The following BORCS5 variants were observed in gnomAD, a reference collection of about 807,000 sequenced individuals.
The protein encoded by BORCS5 is BLOC-1 related complex subunit 5.
In BORCS5, 17 loss-of-function variants were observed where a neutral mutation model predicts 22.1. That is an observed-to-expected ratio of 0.77 (90% CI 0.53 to 1.15). The LOEUF (loss-of-function observed/expected upper bound fraction) is 1.15. Among genes scored for constraint, BORCS5 ranks in the 50% most tolerant of loss-of-function variants. BORCS5 has a pLI of 0.00. For synonymous variants in BORCS5, 117 were observed against 99.8 expected, an observed-to-expected ratio of 1.17 and a Z score of -1.03; for missense variants, 247 against 253.2, an observed-to-expected ratio of 0.98 and a Z score of 0.17.
intron 2 of BORCS5, among the ~76,000 whole-genome samples, chr12:12,374,318 T>C (rs190805078): frequency 2.3e-4 from 35 of 151,740 alleles, no homozygotes; most frequent in African/African-American, 7.0e-4. Flanking sequence ...AAAAGTCTTC[T>C]ATATATATTT....
At chr12:12,406,457 T>C (rs1038271571) in intron 2 of BORCS5, among the ~76,000 whole-genome samples, 5 of 152,188 alleles carry the variant, frequency 3.3e-5, no homozygotes, top group Admixed American at 6.5e-5. Context: ...CCATTACCCA[T>C]TGGAGCTAAG....
chr12:12,434,212 G>T (rs112487667), intron 2 of BORCS5, among the ~76,000 whole-genome samples: 1,860 of 151,224 alleles, frequency 0.012, 28 homozygotes, highest in South Asian at 0.027. Context: ...GGGTCCAGGA[G>T]GTCGAGGTTG....
At chr12:12,424,788 C>T (rs1215023513) in intron 2 of BORCS5, among the ~76,000 whole-genome samples, 1 of 152,136 alleles carries the variant, frequency 6.6e-6, no homozygotes, top group Non-Finnish European at 1.5e-5. Flanking sequence ...CAGATCTTTT[C>T]TGAGCCTGTG....
At chr12:12,361,446 C>A (rs1863285002) in intron 2 of BORCS5, 97 bp downstream of exon 2, 2 of 1,368,690 alleles carry the variant, frequency 1.5e-6, no homozygotes, top group Admixed American at 1.8e-5. Flanking sequence ...GCTCTCTCAT[C>A]TCCTTTAGGT....
intron 3 of BORCS5, among the ~76,000 whole-genome samples, chr12:12,465,061 T>C (rs1352876426): frequency 6.6e-6 from 1 of 152,120 alleles, no homozygotes; most frequent in Admixed American, 6.5e-5. Flanking sequence ...AGCTTCGACC[T>C]TCTGGACTCA....
chr12:12,360,581 T>C (rs948338092), intron 1 of BORCS5, among the ~76,000 whole-genome samples: 1 of 148,192 alleles, frequency 6.7e-6, no homozygotes, highest in African/African-American at 2.5e-5. Flanking sequence ...TTTTTTTTTT[T>C]TTTTTTTTTT....
intron 2 of BORCS5, among the ~76,000 whole-genome samples, chr12:12,410,271 T>A (rs1000485240): frequency 1.3e-5 from 2 of 152,228 alleles, no homozygotes; most frequent in African/African-American, 4.8e-5. Context: ...TTGCCATTGC[T>A]TTTGGTGTTT....
chr12:12,387,722 A>C (rs56261569), intron 2 of BORCS5, among the ~76,000 whole-genome samples: 21,373 of 151,146 alleles, frequency 0.14, 2,291 homozygotes, highest in African/African-American at 0.23. Flanking sequence ...TAAAACTCTA[A>C]AGTGTTTTTC....
chr12:12,468,130 G>A lies in BORCS5; in HGVS notation c.*2354G>A, dbSNP rs1943232083. 1 of 152,166 alleles carries A rather than the reference G, an allele frequency of 6.6e-6. No individual in the cohort carries two copies. Among genetic ancestry groups the A allele is most frequent in the Non-Finnish European group, 1.5e-5 (1 of 68,060 alleles). 9.4% of individuals were successfully genotyped at this position (152,166 alleles called of 1,614,324 possible). A position where few individuals can be genotyped will look rare whatever the true frequency, so the allele number is the denominator to read the frequency against. Reference sequence around the variant, plus strand: ...ATCCTTTCCAACCGCCTGGCCTGTGGTCTGGTGAAGAAGAAACAGCCGAAC... The same window carrying A: ...ATCCTTTCCAACCGCCTGGCCTGTGATCTGGTGAAGAAGAAACAGCCGAAC... On this transcript the variant is annotated 3_prime_UTR_variant, in exon 4 of 4. Coordinates refer to ENST00000314565, the MANE Select transcript of BORCS5 (RefSeq NM_058169.6).
At chr12:12,359,178 C>T (rs1324252146) in intron 1 of BORCS5, among the ~76,000 whole-genome samples, 1 of 152,122 alleles carries the variant, frequency 6.6e-6, no homozygotes, top group Non-Finnish European at 1.5e-5. Context: ...TGATCTCCCT[C>T]TTTGTCCTCC....
chr12:12,360,212 A>G (rs192409360), intron 1 of BORCS5, among the ~76,000 whole-genome samples: 1 of 152,170 alleles, frequency 6.6e-6, no homozygotes, highest in Admixed American at 6.5e-5. Flanking sequence ...AAATACAAAA[A>G]TTAGCCAGAT....
intron 1 of BORCS5, among the ~76,000 whole-genome samples, chr12:12,359,364 CTTTT>C (rs35732827): frequency 4.3e-5 from 5 of 115,894 alleles, no homozygotes; most frequent in South Asian, 2.9e-4. Flanking sequence ...AGACTTGACT[CTTTT>C]TTTTTTTTTT....
chr12:12,391,087 G>A (rs1049706743), intron 2 of BORCS5, among the ~76,000 whole-genome samples: 2 of 151,862 alleles, frequency 1.3e-5, no homozygotes, highest in African/African-American at 4.9e-5. Context: ...AGTATTGATA[G>A]ACTACTATTG....
chr12:12,357,102 T>C lies in BORCS5; in HGVS notation c.-350T>C. ...CATCTGCGTCCCGGAAGGAGCGAGC[T>C]TGCGGAGCGTGAACCAGTGAGTGAA... On this transcript the variant is annotated 5_prime_UTR_variant, in exon 1 of 4. Coordinates refer to ENST00000314565, the MANE Select transcript of BORCS5 (RefSeq NM_058169.6). 1 of 1,534,602 alleles carries C rather than the reference T, an allele frequency of 6.5e-7. No individual in the cohort carries two copies. The highest frequency in any genetic ancestry group is 8.7e-7 in the Non-Finnish European group (1 of 1,146,120).
chr12:12,464,988 T>C (rs1943172798), intron 3 of BORCS5, among the ~76,000 whole-genome samples: 2 of 152,106 alleles, frequency 1.3e-5, no homozygotes, highest in Non-Finnish European at 2.9e-5. Context: ...TTATTGTTGT[T>C]AGAAACAGGG....
intron 2 of BORCS5, among the ~76,000 whole-genome samples, chr12:12,385,002 GT>G (rs1181479160): frequency 6.6e-6 from 1 of 151,326 alleles, no homozygotes; most frequent in East Asian, 1.9e-4. Context: ...TTGATCAGAG[GT>G]TGTACTTAAC....
At chr12:12,439,187 C>T (rs1188871459) in intron 3 of BORCS5, among the ~76,000 whole-genome samples, 2 of 152,222 alleles carry the variant, frequency 1.3e-5, no homozygotes, top group Non-Finnish European at 2.9e-5. Flanking sequence ...ATGTCTGGGT[C>T]TCACTCCGAA....
At chr12:12,432,936 C>T (rs1942464188) in intron 2 of BORCS5, among the ~76,000 whole-genome samples, 1 of 152,090 alleles carries the variant, frequency 6.6e-6, no homozygotes, top group Admixed American at 6.5e-5. Context: ...CACAAGAACT[C>T]TTTGTGGTGA....
chr12:12,364,144 G>A (rs117233787), intron 2 of BORCS5, among the ~76,000 whole-genome samples: 2,665 of 152,262 alleles, frequency 0.018, 30 homozygotes, highest in Middle Eastern at 0.058. Context: ...GGGAGGCCGA[G>A]GAGGATGGAT....
Sources: allele counts gnomAD v4.1 joint callset (sites outside exome capture counted in the v4.1 genomes callset), GRCh38; gene constraint gnomAD v4.1.1; transcripts MANE v1.5; gene names NCBI Gene and HGNC (gene_info 2026-07-23, HGNC 2026-07-21).